Variants in CDK6 observed in about 807,000 individuals in gnomAD.
CDK6 encodes the protein cyclin-dependent kinase 6.
Under a neutral mutation model 37.1 loss-of-function variants are expected in CDK6, and 6 were observed. The ratio of observed to expected loss-of-function variants is 0.16; its 90% CI spans 0.09 to 0.32. The LOEUF (loss-of-function observed/expected upper bound fraction) is 0.32. CDK6 is among the 10% of genes least tolerant of loss of function. The pLI is 1.00. For missense variants in CDK6, 224 were observed against 418.9 expected (o/e 0.53, Z 4.06); for synonymous variants, 160 against 161.3 (o/e 0.99, Z 0.06).
At chr7:92,765,005 T>C (rs1173080206) in intron 3 of CDK6, among the ~76,000 whole-genome samples, 2 of 152,142 alleles carry the variant, frequency 1.3e-5, no homozygotes, top group Non-Finnish European at 2.9e-5. Flanking sequence ...TGGGTAAGAA[T>C]GATAAAATCC....
At chr7:92,724,594 T>C (rs945440734) in intron 4 of CDK6, among the ~76,000 whole-genome samples, 6 of 152,178 alleles carry the variant, frequency 3.9e-5, no homozygotes, top group Admixed American at 6.5e-5. Flanking sequence ...GCTGTAGTAT[T>C]ACTGAAATTT....
intron 5 of CDK6, 46 bp from the exon 6 acceptor site, chr7:92,623,132 A>G (rs780780887): frequency 4.0e-6 from 5 of 1,247,616 alleles, no homozygotes; most frequent in Non-Finnish European, 4.6e-6. Flanking sequence ...TTCTCAGATT[A>G]CATTTCAATC....
chr7:92,653,869 A>G (rs566214425), intron 5 of CDK6, among the ~76,000 whole-genome samples: 2 of 152,258 alleles, frequency 1.3e-5, no homozygotes, highest in African/African-American at 4.8e-5. Flanking sequence ...GACCTCCAAA[A>G]TGCTGGGATC....
chr7:92,784,706 TAGCC>T (rs1800079608), intron 2 of CDK6, among the ~76,000 whole-genome samples: 1 of 152,216 alleles, frequency 6.6e-6, no homozygotes, highest in Non-Finnish European at 1.5e-5. Context: ...AAACTAAAGA[TAGCC>T]TTAAACTAGT....
intron 5 of CDK6, among the ~76,000 whole-genome samples, chr7:92,642,122 G>A (rs1198393727): frequency 6.6e-6 from 1 of 152,106 alleles, no homozygotes. Context: ...TGGATTCTGT[G>A]AGGAACTATG....
rs1037919444 is a variant in CDK6 at position 92,730,216 on chromosome 7, T to C, written c.370-4423A>G. ...AAGTTTTAGCACCAAAAATGTATAA[T>C]CCTCAGTTTATTTAAAAATTAAAAA... On this transcript the variant is annotated intron_variant, in intron 3 of 7. Transcript: ENST00000424848. 2.0e-5 allele frequency among the ~76,000 whole-genome samples: 3 copies of C among 152,344 alleles called. 1 individual carries two copies. Among genetic ancestry groups the C allele is most frequent in the Admixed American group, 2.0e-4 (3 of 15,300 alleles).
In CDK6 at chr7:92,738,068, G is replaced by T. The variant is rs1798829059; in HGVS notation, c.370-12275C>A. ...TCAACATTTTTTATTTTGTGTTGTT[G>T]CAAGGACTGACTTTTTAAACTGAAG... On this transcript the variant is annotated intron_variant, in intron 3 of 7. Coordinates refer to ENST00000424848, the MANE Select transcript of CDK6 (RefSeq NM_001145306.2). 2.0e-5 allele frequency among the ~76,000 whole-genome samples: 3 copies of T among 152,270 alleles called. No individual in the cohort carries two copies. The South Asian group carries it at 6.2e-4, about 32-fold the overall frequency.
At chr7:92,652,899 A>G (rs1334597384) in intron 5 of CDK6, among the ~76,000 whole-genome samples, 4 of 152,322 alleles carry the variant, frequency 2.6e-5, no homozygotes, top group Middle Eastern at 6.8e-3. Flanking sequence ...AAATATACAA[A>G]TAGAAACTGA....
intron 3 of CDK6, among the ~76,000 whole-genome samples, chr7:92,729,704 C>T (rs963065864): frequency 2.0e-5 from 3 of 152,194 alleles, no homozygotes; most frequent in African/African-American, 7.2e-5. Context: ...AAAACGACTT[C>T]AGGCTTTTCT....
At chr7:92,784,155 A>G (rs908702850) in intron 2 of CDK6, among the ~76,000 whole-genome samples, 18 of 152,200 alleles carry the variant, frequency 1.2e-4, no homozygotes, top group Non-Finnish European at 2.1e-4. Flanking sequence ...AGGGAAGAGA[A>G]TGGTAGCAGG....
At position 92,803,101 on chromosome 7, in the gene CDK6, A is replaced by G. The variant is rs141138453; in HGVS notation, c.234-28270T>C. Among the ~76,000 whole-genome samples, 378 of 152,332 alleles carry G rather than the reference A, an allele frequency of 2.5e-3. 2 individuals carry two copies. The highest frequency in any genetic ancestry group is 8.6e-3 in the African/African-American group (358 of 41,576). On this transcript the variant is annotated intron_variant, in intron 2 of 7. Transcript: ENST00000424848. ...AAGTACTTCTTGTATAATAACTAATATTATACTGTATTTGTACATATCATT... is the reference window on the plus strand; with the variant it reads ...AAGTACTTCTTGTATAATAACTAATGTTATACTGTATTTGTACATATCATT...
intron 4 of CDK6, among the ~76,000 whole-genome samples, chr7:92,703,136 A>C (rs971563720): frequency 6.6e-6 from 1 of 151,568 alleles, no homozygotes; most frequent in Non-Finnish European, 1.5e-5. Context: ...CCAGATCTCA[A>C]AAATGCCCAT....
At chr7:92,773,665 C>T (rs1336025812) in intron 3 of CDK6, among the ~76,000 whole-genome samples, 6 of 152,076 alleles carry the variant, frequency 3.9e-5, no homozygotes, top group Non-Finnish European at 8.8e-5. Flanking sequence ...TATTGTTAAG[C>T]ACCAGATTCT....
chr7:92,652,895 A>G (rs1384493573), intron 5 of CDK6, among the ~76,000 whole-genome samples: 1 of 152,212 alleles, frequency 6.6e-6, no homozygotes, highest in Non-Finnish European at 1.5e-5. Flanking sequence ...TAACAAATAT[A>G]CAAATAGAAA....
intron 4 of CDK6, among the ~76,000 whole-genome samples, chr7:92,723,888 G>A (rs191485092): frequency 1.4e-5 from 2 of 138,930 alleles, no homozygotes; most frequent in African/African-American, 2.8e-5. Context: ...TTGATGTTAC[G>A]CACAAGCTCA....
rs953545222 is a variant in CDK6, at chr7:92,774,717, T to G, written c.348A>C (p.Gly116=). 1 of 1,609,538 alleles carries G rather than the reference T, an allele frequency of 6.2e-7. No homozygotes were observed. Among genetic ancestry groups the G allele is most frequent in the Non-Finnish European group, 8.5e-7 (1 of 1,178,408 alleles). Reference sequence around the variant, plus strand: ...ATACCTTTATGGTTTCAGTGGGCACTCCAGGCTCTGGAACTTTATCCAAGT... The same window carrying G: ...ATACCTTTATGGTTTCAGTGGGCACGCCAGGCTCTGGAACTTTATCCAAGT... ...TTYLDKVPEP[G]VPTETIKDMM... Residue 116 remains glycine (G), a synonymous_variant, in exon 3 of 8, where the codon GGA becomes GGC. Transcript: ENST00000424848.
chr7:92,744,401 T>C (rs1045832116), intron 3 of CDK6, among the ~76,000 whole-genome samples: 2 of 152,136 alleles, frequency 1.3e-5, no homozygotes, highest in Admixed American at 6.5e-5. Context: ...ACTAGAACAG[T>C]ATGAGGGAAA....
At chr7:92,758,592 C>G (rs1202945533) in intron 3 of CDK6, among the ~76,000 whole-genome samples, 1 of 152,064 alleles carries the variant, frequency 6.6e-6, no homozygotes, top group East Asian at 1.9e-4. Context: ...GTTCTTTTTG[C>G]TTAGGATTGC....
chr7:92,667,064 T>C (rs1796973547), intron 5 of CDK6, among the ~76,000 whole-genome samples: 1 of 152,132 alleles, frequency 6.6e-6, no homozygotes, highest in Non-Finnish European at 1.5e-5. Flanking sequence ...TGATTCTGTG[T>C]AGGTCTGGGC....
Sources: allele counts gnomAD v4.1 joint callset (sites outside exome capture counted in the v4.1 genomes callset), GRCh38; gene constraint gnomAD v4.1.1; transcripts MANE v1.5; gene names NCBI Gene and HGNC (gene_info 2026-07-23, HGNC 2026-07-21).